Variants in GALNT13 observed in about 807,000 individuals in gnomAD.
GALNT13 encodes polypeptide N-acetylgalactosaminyltransferase 13.
A neutral mutation model predicts 64.2 loss-of-function variants in GALNT13; 28 were observed. The ratio of observed to expected loss-of-function variants is 0.44; its 90% CI spans 0.32 to 0.60. The LOEUF (loss-of-function observed/expected upper bound fraction) is 0.60, where lower values mean the gene tolerates loss of function less well. Ranked by LOEUF, GALNT13 falls within the 20% of genes least tolerant of loss-of-function variation. GALNT13 has a pLI of 0.05. For synonymous variants in GALNT13, 214 were observed against 224.6 expected (o/e 0.95, Z 0.42); for missense variants, 577 against 669.8 (o/e 0.86, Z 1.53).
the GALNT13 span, among the ~76,000 whole-genome samples, chr2:153,207,203 G>A: frequency 6.6e-6 from 1 of 152,034 alleles, no homozygotes; most frequent in African/African-American, 2.4e-5. Flanking sequence ...CTGCAGAAAT[G>A]GAATAGTTTT....
chr2:153,519,706 C>A, the GALNT13 span, among the ~76,000 whole-genome samples: 3 of 152,212 alleles, frequency 2.0e-5, no homozygotes, highest in Admixed American at 6.5e-5. Flanking sequence ...AAATTCTCAA[C>A]CTTATTTTTT....
At chr2:154,433,912 T>A (rs979400588) in intron 11 of GALNT13, among the ~76,000 whole-genome samples, 1 of 152,212 alleles carries the variant, frequency 6.6e-6, no homozygotes, top group African/African-American at 2.4e-5. Context: ...TTCCTTAGAA[T>A]GTAACCATAT....
intron 3 of GALNT13, among the ~76,000 whole-genome samples, chr2:154,012,959 T>G (rs1696748916): frequency 6.6e-6 from 1 of 151,856 alleles, no homozygotes; most frequent in South Asian, 2.1e-4. Flanking sequence ...CTCCTGTATC[T>G]TTTTATTGTA....
In GALNT13 at chr2:153,999,504, T is replaced by C. The variant is rs185914367; in HGVS notation, c.142+54865T>C. 1.3e-3 allele frequency among the ~76,000 whole-genome samples: 201 copies of C among 152,194 alleles called. No individual in the cohort carries two copies. In the Middle Eastern group the frequency reaches 0.017, roughly 13 times the overall value. ...GTATGGTATTTCTATGCCTAATTCATTGAGAATTTTTATTATGAGGGGATG... is the reference window on the plus strand; with the variant it reads ...GTATGGTATTTCTATGCCTAATTCACTGAGAATTTTTATTATGAGGGGATG... On this transcript the variant is annotated intron_variant, in intron 3 of 12. Transcript: ENST00000392825.
At chr2:154,347,487 C>T (rs941551110) in intron 9 of GALNT13, among the ~76,000 whole-genome samples, 26 of 152,136 alleles carry the variant, frequency 1.7e-4, no homozygotes, top group African/African-American at 6.0e-4. Context: ...ATCTGCTCTC[C>T]AGTAATTTGA....
At chr2:154,139,786 T>C (rs1683157764) in intron 3 of GALNT13, among the ~76,000 whole-genome samples, 1 of 152,106 alleles carries the variant, frequency 6.6e-6, no homozygotes, top group Non-Finnish European at 1.5e-5. Context: ...AATATTATTG[T>C]GAAGTTTCAA....
chr2:153,133,461 A>G, the GALNT13 span, among the ~76,000 whole-genome samples: 1 of 152,044 alleles, frequency 6.6e-6, no homozygotes, highest in African/African-American at 2.4e-5. Context: ...TGTTAACAGG[A>G]ATCCTTCTTG....
intron 3 of GALNT13, among the ~76,000 whole-genome samples, chr2:154,001,108 C>T (rs1695874654): frequency 6.6e-6 from 1 of 151,872 alleles, no homozygotes; most frequent in South Asian, 2.1e-4. Flanking sequence ...TAGCTACTTA[C>T]ACTCTTTTTT....
At chr2:153,169,549 A>C in the GALNT13 span, among the ~76,000 whole-genome samples, 2 of 152,156 alleles carry the variant, frequency 1.3e-5, no homozygotes, top group Non-Finnish European at 1.5e-5. Context: ...GCCTGGGGGT[A>C]CTGCATGTCT....
intron 4 of GALNT13, among the ~76,000 whole-genome samples, chr2:154,220,039 C>A (rs1688245077): frequency 6.6e-6 from 1 of 151,978 alleles, no homozygotes; most frequent in South Asian, 2.1e-4. Context: ...TGGGGATATT[C>A]TTTAAGAAGA....
At chr2:153,219,625 T>C in the GALNT13 span, among the ~76,000 whole-genome samples, 1 of 152,244 alleles carries the variant, frequency 6.6e-6, no homozygotes, top group South Asian at 2.1e-4. Flanking sequence ...TATCCACTCA[T>C]TTTTATAGTG....
the GALNT13 span, among the ~76,000 whole-genome samples, chr2:153,428,878 A>C: frequency 6.6e-6 from 1 of 152,178 alleles, no homozygotes; most frequent in East Asian, 1.9e-4. Flanking sequence ...TCTTCTTCAT[A>C]TCCAGAGAAA....
chr2:154,233,826 G>T (rs1689055291), intron 4 of GALNT13, among the ~76,000 whole-genome samples: 1 of 152,000 alleles, frequency 6.6e-6, no homozygotes, highest in Non-Finnish European at 1.5e-5. Flanking sequence ...AGTAGGAGGG[G>T]GTGCAAGATG....
the GALNT13 span, among the ~76,000 whole-genome samples, chr2:153,407,007 A>T: frequency 6.6e-6 from 1 of 152,148 alleles, no homozygotes; most frequent in Non-Finnish European, 1.5e-5. Flanking sequence ...ATTCTAAATT[A>T]TCTTAAATAT....
the GALNT13 span, among the ~76,000 whole-genome samples, chr2:153,214,594 C>T: frequency 2.0e-5 from 3 of 152,128 alleles, no homozygotes. Context: ...TCTTAGGCCA[C>T]ACGCTGCAAT....
the GALNT13 span, among the ~76,000 whole-genome samples, chr2:153,613,399 T>A: frequency 2.0e-5 from 3 of 152,062 alleles, no homozygotes; most frequent in Non-Finnish European, 4.4e-5. Flanking sequence ...AATATGTGCA[T>A]TTTTTCTGGA....
At chr2:154,449,469 T>A (rs1441032169) in intron 12 of GALNT13, among the ~76,000 whole-genome samples, 7 of 134,758 alleles carry the variant, frequency 5.2e-5, no homozygotes, top group Admixed American at 3.7e-4. Flanking sequence ...GCCTTTAATT[T>A]TGGTAATTTG....
the GALNT13 span, among the ~76,000 whole-genome samples, chr2:153,329,097 T>G: frequency 2.6e-5 from 4 of 151,872 alleles, no homozygotes; most frequent in Non-Finnish European, 5.9e-5. Context: ...GGTGAAGTGC[T>G]CCCCACCTGC....
chr2:153,076,444 C>T, the GALNT13 span, among the ~76,000 whole-genome samples: 8 of 152,048 alleles, frequency 5.3e-5, no homozygotes, highest in African/African-American at 1.7e-4. Context: ...TGTTTCTGTG[C>T]CATGAGGATA....
Sources: allele counts gnomAD v4.1 joint callset (sites outside exome capture counted in the v4.1 genomes callset), GRCh38; gene constraint gnomAD v4.1.1; transcripts MANE v1.5; gene names NCBI Gene and HGNC (gene_info 2026-07-23, HGNC 2026-07-21).